Variants in RAB15 observed in about 807,000 individuals in gnomAD.
RAB15 encodes RAB15, member RAS oncogene family.
A neutral mutation model predicts 31.8 loss-of-function variants in RAB15; 13 were observed. That is an observed-to-expected ratio of 0.41 (90% CI 0.27 to 0.65). The LOEUF (loss-of-function observed/expected upper bound fraction) is 0.65, where lower values mean the gene tolerates loss of function less well. Ranked by LOEUF, RAB15 falls within the 30% of genes least tolerant of loss-of-function variation. The pLI is 0.32. For missense variants in RAB15, 220 were observed against 277.3 expected, an observed-to-expected ratio of 0.79 and a Z score of 1.47; for synonymous variants, 100 against 105.6, an observed-to-expected ratio of 0.95 and a Z score of 0.33.
At chr14:64,959,765 C>T (rs954769107) in intron 1 of RAB15, among the ~76,000 whole-genome samples, 2 of 135,792 alleles carry the variant, frequency 1.5e-5, no homozygotes, top group Non-Finnish European at 1.5e-5. Flanking sequence ...CCCAGCTACT[C>T]GGGAGGCTGA....
In RAB15 at chr14:64,972,214, TCGCC is replaced by T; in HGVS notation, c.-142_-139del. 1 of 560,000 alleles carries T rather than the reference TCGCC, an allele frequency of 1.8e-6. No homozygotes were observed. The highest frequency in any genetic ancestry group is 2.3e-6 in the Non-Finnish European group (1 of 441,494). The allele number at this position is 560,000 out of a possible 1,614,324, so 34.7% of individuals were successfully genotyped here. On this transcript the variant is annotated 5_prime_UTR_variant, in exon 1 of 7. Transcript: ENST00000533601. The surrounding 1 kb of genome is among the most constrained non-coding windows in gnomAD (Gnocchi z 6.3). ...GCCGGGCCCGGCCCCCGCGGCTGCC[TCGCC>T]CGCCCGCCTGCCCACTCGCTCGCTG...
Position 64,953,015 on chromosome 14 carries a change from T to C in RAB15, c.125-444A>G, listed in dbSNP as rs1486712340. 1.3e-5 allele frequency among the ~76,000 whole-genome samples: 2 copies of C among 152,192 alleles called. No homozygotes were observed. Among genetic ancestry groups the C allele is most frequent in the Non-Finnish European group, 2.9e-5 (2 of 68,024 alleles). ...TTCTTCCCTCTCTCTCTTTGCCTTG[T>C]TAATAACCAGAAGGGGTCATAGTGC... On this transcript the variant is annotated intron_variant, in intron 1 of 6. Transcript: ENST00000533601. The surrounding 1 kb of genome is among the most constrained non-coding windows in gnomAD (Gnocchi z 4.6).
At chr14:64,966,920 G>A (rs1489874481) in intron 1 of RAB15, among the ~76,000 whole-genome samples, 1 of 152,068 alleles carries the variant, frequency 6.6e-6, no homozygotes, top group Non-Finnish European at 1.5e-5. Context: ...TTTGCCCCCA[G>A]CTCCTCTCAG....
chr14:64,960,112 A>T (rs1258980142), intron 1 of RAB15, among the ~76,000 whole-genome samples: 2 of 152,198 alleles, frequency 1.3e-5, no homozygotes, highest in Non-Finnish European at 2.9e-5. Flanking sequence ...GCCAGGCCAC[A>T]ACTGGAGCCC....
Position 64,951,587 on chromosome 14 carries a change from CA to C in RAB15, c.246+15del, listed in dbSNP as rs752712009. ...TGGCAGCTTCCCACTTTGAAACCCC[CA>C]ATGTGGTGGCTTACCTGGGCCCGCC... On this transcript the variant is annotated intron_variant, in intron 3 of 6. Coordinates refer to ENST00000533601, the MANE Select transcript of RAB15 (RefSeq NM_001308154.2). The surrounding 1 kb of genome is among the most constrained non-coding windows in gnomAD (Gnocchi z 7.2). 1.2e-6 allele frequency: 2 copies of C among 1,613,400 alleles called. No individual in the cohort carries two copies. The highest frequency in any genetic ancestry group is 3.3e-5 in the Admixed American group (2 of 60,028).
At chr14:64,961,332 AC>A (rs747962134) in intron 1 of RAB15, among the ~76,000 whole-genome samples, 4 of 151,890 alleles carry the variant, frequency 2.6e-5, no homozygotes, top group African/African-American at 4.8e-5. Context: ...ACCAAAAAAG[AC>A]CCCATTCACA....
Position 64,948,707 on chromosome 14 carries a change from G to A in RAB15, c.441C>T (p.Phe147=), listed in dbSNP as rs1477492905. 6.2e-6 allele frequency: 10 copies of A among 1,614,018 alleles called. No individual in the cohort carries two copies. Among genetic ancestry groups the A allele is most frequent in the African/African-American group, 4.0e-5 (3 of 74,896 alleles). ...QQLAKEYGMD[F]YETSACTNLN... ...GGTTGGTGCAGGCACTTGTTTCATA[G>A]AAGTCCATGCCATACTCCTTCGCCA... The change falls in exon 6 of 7, where the codon TTC becomes TTT. Residue 147 remains phenylalanine (F), a synonymous_variant. Transcript: ENST00000533601. This position sits in a 1 kb window ranked among gnomAD's most constrained non-coding sequence, Gnocchi z 7.0.
Position 64,953,382 on chromosome 14 carries a change from G to A in RAB15, c.125-811C>T, listed in dbSNP as rs1886368991. On this transcript the variant is annotated intron_variant, in intron 1 of 6. Transcript: ENST00000533601. This position sits in a 1 kb window ranked among gnomAD's most constrained non-coding sequence, Gnocchi z 4.6. ...ATGAGATACAGCACCTGGCCCAATT[G>A]ACTGCAGCTGTCATGAGCTAGTGCA... Among the ~76,000 whole-genome samples the A allele has an allele frequency of 6.6e-6, 1 of 152,222 alleles. No individual in the cohort carries two copies. Among genetic ancestry groups the A allele is most frequent in the African/African-American group, 2.4e-5 (1 of 41,450 alleles).
In RAB15 at chr14:64,962,206, C is replaced by T. The variant is rs1886902048; in HGVS notation, c.125-9635G>A. Among the ~76,000 whole-genome samples the T allele has an allele frequency of 3.9e-5, 6 of 152,164 alleles. No homozygotes were observed. In the South Asian group the frequency reaches 1.2e-3, roughly 31 times the overall value. ...CTCCAGCCTGGGGGATACAGTGAGA[C>T]TCTGTCTCAAAAAACAAAACAAAAC... On this transcript the variant is annotated intron_variant, in intron 1 of 6. Coordinates refer to ENST00000533601, the MANE Select transcript of RAB15 (RefSeq NM_001308154.2). The surrounding 1 kb of genome is among the most constrained non-coding windows in gnomAD (Gnocchi z 4.2).
At chr14:64,963,109 C>CTTTTT (rs1165246293) in intron 1 of RAB15, among the ~76,000 whole-genome samples, 1 of 96,402 alleles carries the variant, frequency 1.0e-5, no homozygotes, top group Non-Finnish European at 1.9e-5. Flanking sequence ...CCCTTCCCCA[C>CTTTTT]TTTTTTTTTT....
intron 1 of RAB15, among the ~76,000 whole-genome samples, chr14:64,964,538 A>AAG (rs1333716047): frequency 6.6e-5 from 10 of 150,770 alleles, no homozygotes; most frequent in African/African-American, 2.5e-4. Context: ...AAAGAAAAAA[A>AAG]GAAAAAAGAA....
rs1359697095 is a variant in RAB15, at chr14:64,954,268, G to A, written c.125-1697C>T. On this transcript the variant is annotated intron_variant, in intron 1 of 6. Transcript: ENST00000533601. The surrounding 1 kb of genome is among the most constrained non-coding windows in gnomAD (Gnocchi z 4.3). ...AGGAGGGAGGAAGGGAGGAAGGAGA[G>A]AAGCATCAGGCCTTGGGAAGCAGGA... 10 of 985,322 alleles carry A rather than the reference G, an allele frequency of 1.0e-5. No individual in the cohort carries two copies. Among genetic ancestry groups the A allele is most frequent in the Admixed American group, 6.1e-5 (1 of 16,264 alleles). 61.0% of individuals were successfully genotyped at this position (985,322 alleles called of 1,614,324 possible). A position where few individuals can be genotyped will look rare whatever the true frequency, so the allele number is the denominator to read the frequency against.
chr14:64,953,423 G>A lies in RAB15; in HGVS notation c.125-852C>T, dbSNP rs369771776. 1.3e-5 allele frequency among the ~76,000 whole-genome samples: 2 copies of A among 152,178 alleles called. No individual in the cohort carries two copies. Among genetic ancestry groups the A allele is most frequent in the African/African-American group, 4.8e-5 (2 of 41,434 alleles). ...AGCTAGTGCAGGGCCGGGTACATGC[G>A]GGTGCTTATGAGTGACTGTCATAGG... On this transcript the variant is annotated intron_variant, in intron 1 of 6. Transcript: ENST00000533601. The surrounding 1 kb of genome is among the most constrained non-coding windows in gnomAD (Gnocchi z 4.6).
At chr14:64,969,975 G>A (rs529946925) in intron 1 of RAB15, among the ~76,000 whole-genome samples, 1 of 152,290 alleles carries the variant, frequency 6.6e-6, no homozygotes, top group East Asian at 1.9e-4. Context: ...AAAAAGGAGG[G>A]TATGTGTCTC....
chr14:64,967,239 A>C (rs1320662866), intron 1 of RAB15, among the ~76,000 whole-genome samples: 5 of 152,294 alleles, frequency 3.3e-5, no homozygotes, highest in African/African-American at 1.2e-4. Context: ...TCAAAACAAA[A>C]GGTCCAGGGA....
rs551445025 is a variant in RAB15, at chr14:64,962,227, AAAAC to A, written c.125-9660_125-9657del. Among the ~76,000 whole-genome samples the A allele has an allele frequency of 4.6e-5, 7 of 152,198 alleles. No individual in the cohort carries two copies. The highest frequency in any genetic ancestry group is 1.9e-4 in the East Asian group (1 of 5,188). The stretch of plus-strand genomic sequence containing the variant: ...GAGACTCTGTCTCAAAAAACAAAAC[AAAAC>A]AAACAAACAAAAAACAGTCCCAAGA... On this transcript the variant is annotated intron_variant, in intron 1 of 6. Coordinates refer to ENST00000533601, the MANE Select transcript of RAB15 (RefSeq NM_001308154.2). This position sits in a 1 kb window ranked among gnomAD's most constrained non-coding sequence, Gnocchi z 4.2.
rs370040802 is a variant in RAB15 at position 64,952,603 on chromosome 14, A to G, written c.125-32T>C. 5.4e-5 allele frequency: 82 copies of G among 1,508,088 alleles called. No homozygotes were observed. The highest frequency in any genetic ancestry group is 1.2e-4 in the Admixed American group (7 of 58,952). 93.4% of individuals were successfully genotyped at this position (1,508,088 alleles called of 1,614,324 possible). A position where few individuals can be genotyped will look rare whatever the true frequency, so the allele number is the denominator to read the frequency against. On this transcript the variant is annotated intron_variant, in intron 1 of 6. Transcript: ENST00000533601. This position sits in a 1 kb window ranked among gnomAD's most constrained non-coding sequence, Gnocchi z 4.2. ...AAAGGAAGAAAGAAAGAAAGTTAGA[A>G]AGCGTACCCACGAGAAATGAACAGG... is the stretch of plus-strand genomic sequence containing the variant.
chr14:64,948,029 G>A lies in RAB15; in HGVS notation c.*325C>T, dbSNP rs1316388322. On this transcript the variant is annotated 3_prime_UTR_variant, in exon 7 of 7. Transcript: ENST00000533601. This position sits in a 1 kb window ranked among gnomAD's most constrained non-coding sequence, Gnocchi z 7.0. Reference sequence around the variant, plus strand: ...TGCACGGAGAAAGGAGCAGCTGAAAGTGGCCTGGACTCCAGCCCTGGCTGT... The same window carrying A: ...TGCACGGAGAAAGGAGCAGCTGAAAATGGCCTGGACTCCAGCCCTGGCTGT... 6.7e-6 allele frequency: 2 copies of A among 297,614 alleles called. No homozygotes were observed. The highest frequency in any genetic ancestry group is 1.2e-5 in the Non-Finnish European group (2 of 161,470). 18.4% of individuals were successfully genotyped at this position (297,614 alleles called of 1,614,324 possible).
At position 64,954,747 on chromosome 14, in the gene RAB15, C is replaced by G. The variant is rs1886452075; in HGVS notation, c.125-2176G>C. On this transcript the variant is annotated intron_variant, in intron 1 of 6. Transcript: ENST00000533601. The surrounding 1 kb of genome is among the most constrained non-coding windows in gnomAD (Gnocchi z 4.3). ...ATCTATGCTGGAACCCACGCTGCCC[C>G]TTGCGCTGGTTCTTAGGGAAGCAAG... 6.6e-6 allele frequency among the ~76,000 whole-genome samples: 1 copy of G among 152,226 alleles called. No individual in the cohort carries two copies. The highest frequency in any genetic ancestry group is 2.4e-5 in the African/African-American group (1 of 41,456).
Sources: allele counts gnomAD v4.1 joint callset (sites outside exome capture counted in the v4.1 genomes callset), GRCh38; gene constraint gnomAD v4.1.1; non-coding constraint Gnocchi (gnomAD v3.1); transcripts MANE v1.5; gene names NCBI Gene and HGNC (gene_info 2026-07-23, HGNC 2026-07-21).